COL25A1: variants seen among roughly 807,000 people sequenced by gnomAD.
The protein encoded by COL25A1 is collagen alpha-1(XXV) chain.
COL25A1 carries 103 observed loss-of-function variants against 128.4 expected under a neutral mutation model. The observed-to-expected ratio is 0.80, with a 90% CI of 0.68 to 0.94. The LOEUF (loss-of-function observed/expected upper bound fraction) is 0.94. Ranked by LOEUF, COL25A1 falls within the 40% of genes least tolerant of loss-of-function variation. The pLI is 0.00. For missense variants in COL25A1, 745 were observed against 840.0 expected (o/e 0.89, Z 1.40); for synonymous variants, 279 against 277.2 (o/e 1.01, Z -0.06).
At chr4:109,223,593 A>G (rs1320524892) in intron 3 of COL25A1, among the ~76,000 whole-genome samples, 7 of 149,026 alleles carry the variant, frequency 4.7e-5, no homozygotes, top group African/African-American at 1.5e-4. Context: ...CCCCACCTTG[A>G]CCCTAACAGT....
chr4:109,135,221 A>G (rs1398788338), intron 3 of COL25A1, among the ~76,000 whole-genome samples: 1 of 152,090 alleles, frequency 6.6e-6, no homozygotes, highest in Non-Finnish European at 1.5e-5. Flanking sequence ...ATAGGCAGGT[A>G]GAAGACAAGT....
intron 3 of COL25A1, among the ~76,000 whole-genome samples, chr4:109,083,946 A>G (rs1307597775): frequency 6.6e-6 from 1 of 152,152 alleles, no homozygotes; most frequent in Non-Finnish European, 1.5e-5. Context: ...TATCTATCAT[A>G]AAATAGAAAA....
intron 3 of COL25A1, among the ~76,000 whole-genome samples, chr4:109,241,888 A>T (rs575658707): frequency 2.0e-5 from 3 of 152,094 alleles, no homozygotes; most frequent in African/African-American, 7.2e-5. Context: ...TGATGTATTC[A>T]TAAGTCTTTT....
chr4:108,921,831 CTTG>C (rs937595897), intron 11 of COL25A1, among the ~76,000 whole-genome samples: 3 of 152,104 alleles, frequency 2.0e-5, no homozygotes, highest in African/African-American at 7.2e-5. Context: ...GTTTAATGAG[CTTG>C]TTATTTGGTT....
chr4:109,041,577 TG>T (rs1369993559), intron 5 of COL25A1, among the ~76,000 whole-genome samples: 1 of 152,116 alleles, frequency 6.6e-6, no homozygotes, highest in African/African-American at 2.4e-5. Flanking sequence ...CTTAGGGCAG[TG>T]GAGACTGGCT....
At chr4:108,882,047 G>A (rs1043781845) in intron 19 of COL25A1, among the ~76,000 whole-genome samples, 7 of 152,058 alleles carry the variant, frequency 4.6e-5, no homozygotes, top group East Asian at 3.9e-4. Context: ...ACCTGACCTC[G>A]ACAAACTCCA....
At chr4:109,116,424 C>G (rs1767564952) in intron 3 of COL25A1, among the ~76,000 whole-genome samples, 1 of 151,986 alleles carries the variant, frequency 6.6e-6, no homozygotes, top group African/African-American at 2.4e-5. Context: ...TGTTATCCTA[C>G]TTAAGGGAAA....
At chr4:109,159,852 T>G (rs1177566052) in intron 3 of COL25A1, among the ~76,000 whole-genome samples, 1 of 152,088 alleles carries the variant, frequency 6.6e-6, no homozygotes, top group Non-Finnish European at 1.5e-5. Context: ...GGGTCAAAAG[T>G]GTGAAAGTAA....
At chr4:109,048,021 C>T (rs568598481) in intron 5 of COL25A1, 147 bp downstream of exon 5, 11 of 836,004 alleles carry the variant, frequency 1.3e-5, no homozygotes, top group East Asian at 6.0e-5. Context: ...CGTGAGCCAC[C>T]GCGACTGACC....
chr4:109,211,086 C>T (rs576478387), intron 3 of COL25A1, among the ~76,000 whole-genome samples: 6 of 151,708 alleles, frequency 4.0e-5, no homozygotes, highest in Non-Finnish European at 8.8e-5. Flanking sequence ...TGCTCATTAT[C>T]TAGGTGACAA....
At chr4:108,817,528 T>A in intron 36 of COL25A1, 93 bp from the exon 37 acceptor site, 1 of 1,191,304 alleles carries the variant, frequency 8.4e-7, no homozygotes, top group Non-Finnish European at 1.2e-6. Context: ...AATAAATTTC[T>A]ACCCATTAGT....
intron 3 of COL25A1, among the ~76,000 whole-genome samples, chr4:109,269,131 G>A (rs1325055932): frequency 7.3e-6 from 1 of 136,816 alleles, no homozygotes; most frequent in African/African-American, 2.8e-5. Flanking sequence ...CCCTTCCTGT[G>A]TCTATGTGAT....
In COL25A1 at chr4:108,929,734, G is replaced by C. The variant is rs547632409; in HGVS notation, c.708+8074C>G. Among the ~76,000 whole-genome samples, 5 of 152,204 alleles carry C rather than the reference G, an allele frequency of 3.3e-5. No individual in the cohort carries two copies. The South Asian group carries it at 1.0e-3, about 32-fold the overall frequency. ...CTAGCAACTTGGGAGGCTGAGGCAGGAGGATTCCTTGAACCCAGGAGTTTG... is the reference window on the plus strand; with the variant it reads ...CTAGCAACTTGGGAGGCTGAGGCAGCAGGATTCCTTGAACCCAGGAGTTTG... On this transcript the variant is annotated intron_variant, in intron 11 of 37. Transcript: ENST00000399132.
chr4:108,973,082 G>A (rs1234987742), intron 8 of COL25A1, among the ~76,000 whole-genome samples: 1 of 152,208 alleles, frequency 6.6e-6, no homozygotes, highest in East Asian at 1.9e-4. Context: ...GAAAGGGGAA[G>A]TTGAGTGATT....
chr4:109,203,653 T>G (rs1394305185), intron 3 of COL25A1, among the ~76,000 whole-genome samples: 1 of 151,888 alleles, frequency 6.6e-6, no homozygotes, highest in Non-Finnish European at 1.5e-5. Context: ...ACCATAGTGA[T>G]GAATTTGATA....
Position 108,920,559 on chromosome 4 carries a change from ATTG to A in COL25A1, c.735+16_735+18del. 1 of 1,590,722 alleles carries A rather than the reference ATTG, an allele frequency of 6.3e-7. No homozygotes were observed. Among genetic ancestry groups the A allele is most frequent in the South Asian group, 1.1e-5 (1 of 88,914 alleles). ...ATGAGAGCATAATTACTTTCACAAT[ATTG>A]TTGTTTATACTCTACCTTTTGTCCC... On this transcript the variant is annotated intron_variant, in intron 12 of 37. Coordinates refer to ENST00000399132, the MANE Select transcript of COL25A1 (RefSeq NM_198721.4).
intron 3 of COL25A1, among the ~76,000 whole-genome samples, chr4:109,289,847 A>G (rs1197171350): frequency 6.6e-6 from 1 of 151,974 alleles, no homozygotes; most frequent in Non-Finnish European, 1.5e-5. Context: ...CGTTAGGGCA[A>G]TGCTTGTTGA....
intron 3 of COL25A1, among the ~76,000 whole-genome samples, chr4:109,139,080 CT>C: frequency 6.6e-6 from 1 of 152,054 alleles, no homozygotes; most frequent in Non-Finnish European, 1.5e-5. Context: ...TGATGATGAG[CT>C]TTTTTTCATA....
At chr4:109,176,884 G>A (rs1450981110) in intron 3 of COL25A1, among the ~76,000 whole-genome samples, 1 of 152,150 alleles carries the variant, frequency 6.6e-6, no homozygotes, top group Non-Finnish European at 1.5e-5. Context: ...ACAAGAAGCT[G>A]GAAAACCCAA....
Sources: gnomAD v4.1 joint callset for allele counts (sites outside exome capture counted in the v4.1 genomes callset) on GRCh38, gnomAD v4.1.1 for gene constraint, MANE v1.5 for transcripts, NCBI Gene and HGNC (gene_info 2026-07-23, HGNC 2026-07-21) for gene names.